The following AGFG1 variants were observed in gnomAD, a reference collection of about 807,000 sequenced individuals.
AGFG1 encodes the protein ArfGAP with FG repeats 1.
A neutral mutation model predicts 60.6 loss-of-function variants in AGFG1; 10 were observed. The ratio of observed to expected loss-of-function variants is 0.16; its 90% CI spans 0.10 to 0.28. The LOEUF (loss-of-function observed/expected upper bound fraction) is 0.28. AGFG1 is among the 10% of genes least tolerant of loss of function. AGFG1 has a pLI of 1.00. For synonymous variants in AGFG1, 247 were observed against 242.9 expected, an observed-to-expected ratio of 1.02 and a Z score of -0.16; for missense variants, 537 against 676.5, an observed-to-expected ratio of 0.79 and a Z score of 2.29.
intron 2 of AGFG1, among the ~76,000 whole-genome samples, chr2:227,505,895 G>C (rs1374101271): frequency 1.3e-5 from 2 of 151,950 alleles, no homozygotes; most frequent in Non-Finnish European, 2.9e-5. Flanking sequence ...CCGCCACCAT[G>C]CCTGGCTAAT....
intron 3 of AGFG1, among the ~76,000 whole-genome samples, chr2:227,523,079 A>T (rs1429947318): frequency 6.6e-6 from 1 of 152,218 alleles, no homozygotes; most frequent in African/African-American, 2.4e-5. Context: ...GTATACACTT[A>T]CCAATTCTTA....
At chr2:227,522,957 AGTATT>A (rs967740912) in intron 3 of AGFG1, among the ~76,000 whole-genome samples, 4 of 152,194 alleles carry the variant, frequency 2.6e-5, no homozygotes, top group African/African-American at 9.7e-5. Flanking sequence ...AGTAGCTATG[AGTATT>A]GTATTATCGT....
At chr2:227,495,936 C>G (rs917703544) in intron 2 of AGFG1, among the ~76,000 whole-genome samples, 1 of 150,646 alleles carries the variant, frequency 6.6e-6, no homozygotes, top group Non-Finnish European at 1.5e-5. Flanking sequence ...AACTCTGTCT[C>G]TACTAAAAAT....
rs561880744 is a variant in AGFG1 at position 227,538,695 on chromosome 2, T to G, written c.1378+1702T>G. ...CATATGCTCAGTAAATCAGACCTAT[T>G]ATTTTCCTTTCATGATTGTACCTCT... On this transcript the variant is annotated intron_variant, in intron 10 of 12. Transcript: ENST00000310078. Among the ~76,000 whole-genome samples, 17 of 152,360 alleles carry G rather than the reference T, an allele frequency of 1.1e-4. No individual in the cohort carries two copies. The South Asian group carries it at 3.3e-3, about 30-fold the overall frequency.
At chr2:227,513,121 C>T (rs1218907657) in intron 2 of AGFG1, among the ~76,000 whole-genome samples, 1 of 152,198 alleles carries the variant, frequency 6.6e-6, no homozygotes, top group Non-Finnish European at 1.5e-5. Context: ...TCAAGGATTA[C>T]TGATATAATA....
At chr2:227,546,197 C>A (rs982242543) in intron 10 of AGFG1, among the ~76,000 whole-genome samples, 11 of 152,096 alleles carry the variant, frequency 7.2e-5, no homozygotes, top group Middle Eastern at 6.8e-3. Context: ...TAATGGCGGG[C>A]GCCCCTCCCC....
chr2:227,525,106 T>C (rs1036374274), intron 5 of AGFG1, among the ~76,000 whole-genome samples, 191 bp downstream of exon 5: 14 of 152,236 alleles, frequency 9.2e-5, no homozygotes, highest in African/African-American at 2.7e-4. Context: ...TTATATTTAA[T>C]GTCGGTTGGC....
chr2:227,505,945 T>G (rs1282853121), intron 2 of AGFG1, among the ~76,000 whole-genome samples: 1 of 152,144 alleles, frequency 6.6e-6, no homozygotes, highest in Non-Finnish European at 1.5e-5. Context: ...AGTTTCACTG[T>G]CTTGGCCAGG....
chr2:227,544,247 TG>T (rs1692577859), intron 10 of AGFG1, among the ~76,000 whole-genome samples: 1 of 142,788 alleles, frequency 7.0e-6, no homozygotes, highest in African/African-American at 2.6e-5. Context: ...CTCCGCCTCC[TG>T]GGTTCACGCC....
intron 2 of AGFG1, among the ~76,000 whole-genome samples, chr2:227,510,316 C>G (rs1263933133): frequency 6.6e-6 from 1 of 152,186 alleles, no homozygotes; most frequent in Admixed American, 6.5e-5. Flanking sequence ...GACACCTAAC[C>G]CTGGGGCTAG....
chr2:227,489,067 G>C (rs1038409782), intron 1 of AGFG1, among the ~76,000 whole-genome samples: 1 of 151,824 alleles, frequency 6.6e-6, no homozygotes, highest in Non-Finnish European at 1.5e-5. Context: ...TTTCCACCTT[G>C]GCCTCCCAAA....
At chr2:227,496,452 A>G (rs1322481742) in intron 2 of AGFG1, among the ~76,000 whole-genome samples, 1 of 151,230 alleles carries the variant, frequency 6.6e-6, no homozygotes, top group Non-Finnish European at 1.5e-5. Context: ...AAAAAAAAAA[A>G]ATAAATAAAA....
chr2:227,505,470 T>A (rs1307622784), intron 2 of AGFG1, among the ~76,000 whole-genome samples: 1 of 137,854 alleles, frequency 7.3e-6, no homozygotes, highest in Non-Finnish European at 1.6e-5. Context: ...GGCATTTTGA[T>A]ACTGTTCTGC....
chr2:227,482,385 A>G (rs1319556624), intron 1 of AGFG1, among the ~76,000 whole-genome samples: 8 of 152,220 alleles, frequency 5.3e-5, no homozygotes, highest in Non-Finnish European at 1.2e-4. Flanking sequence ...GGATAGACGA[A>G]TATTTTGGAC....
intron 10 of AGFG1, among the ~76,000 whole-genome samples, chr2:227,547,412 A>G (rs1308581766): frequency 6.6e-6 from 1 of 152,218 alleles, no homozygotes; most frequent in Non-Finnish European, 1.5e-5. Context: ...TGGTATTTTA[A>G]AAAGGAGCCA....
intron 2 of AGFG1, among the ~76,000 whole-genome samples, chr2:227,507,602 C>CAAAAAAAAA (rs1162277041): frequency 9.7e-5 from 6 of 61,580 alleles, no homozygotes; most frequent in Admixed American, 2.5e-4. Flanking sequence ...GACTCTGTCT[C>CAAAAAAAAA]AAAAAAAAAA....
intron 11 of AGFG1, 100 bp downstream of exon 11, chr2:227,552,217 A>G (rs963548371): frequency 6.5e-6 from 9 of 1,376,748 alleles, no homozygotes; most frequent in Admixed American, 2.2e-5. Flanking sequence ...AAAGAATACT[A>G]TAGTATTATC....
chr2:227,558,352 A>T lies in AGFG1; in HGVS notation c.*3857A>T, dbSNP rs1347087025. The T allele has an allele frequency of 2.0e-5, 3 of 151,816 alleles. No individual in the cohort carries two copies. The highest frequency in any genetic ancestry group is 4.4e-5 in the Non-Finnish European group (3 of 67,936). The allele number at this position is 151,816 out of a possible 1,614,324, so 9.4% of individuals were successfully genotyped here. A position where few individuals can be genotyped will look rare whatever the true frequency, so the allele number is the denominator to read the frequency against. ...ATCTAAAAAAACTTTAATCACTTGA[A>T]TTCCTTTCATAATTTGATGAAATCA... On this transcript the variant is annotated 3_prime_UTR_variant, in exon 13 of 13. Coordinates refer to ENST00000310078, the MANE Select transcript of AGFG1 (RefSeq NM_004504.5).
chr2:227,537,118 G>T, intron 10 of AGFG1, 125 bp downstream of exon 10: 1 of 724,088 alleles, frequency 1.4e-6, no homozygotes, highest in Non-Finnish European at 2.3e-6. Flanking sequence ...GGATAGAAGA[G>T]TTTGTCCATA....
Sources: allele counts gnomAD v4.1 joint callset (sites outside exome capture counted in the v4.1 genomes callset), GRCh38; gene constraint gnomAD v4.1.1; transcripts MANE v1.5; gene names NCBI Gene and HGNC (gene_info 2026-07-23, HGNC 2026-07-21).